NCKAP5: variants seen among roughly 807,000 people sequenced by gnomAD.
NCKAP5 encodes NCK associated protein 5.
NCKAP5 carries 92 observed loss-of-function variants against 167.0 expected under a neutral mutation model. That is an observed-to-expected ratio of 0.55 (90% CI 0.47 to 0.66). NCKAP5 has a LOEUF of 0.66. NCKAP5 is among the 30% of genes least tolerant of loss of function. The pLI, the probability that NCKAP5 is intolerant of heterozygous loss-of-function variation, is 0.00. For synonymous variants in NCKAP5, 891 were observed against 877.4 expected (o/e 1.02, Z -0.27); for missense variants, 2,378 against 2,315.0 (o/e 1.03, Z -0.56).
the NCKAP5 span, among the ~76,000 whole-genome samples, chr2:133,656,172 T>G: frequency 6.6e-6 from 1 of 152,158 alleles, no homozygotes; most frequent in Admixed American, 6.5e-5. Context: ...TAAACAGACC[T>G]GAGTTCAGCT....
chr2:132,873,628 G>GA (rs1263813732), intron 9 of NCKAP5, among the ~76,000 whole-genome samples: 2 of 152,216 alleles, frequency 1.3e-5, no homozygotes, highest in African/African-American at 4.8e-5. Flanking sequence ...TACAACATTG[G>GA]AAAAGGGTGA....
At chr2:132,775,921 C>T (rs1170160294) in intron 15 of NCKAP5, among the ~76,000 whole-genome samples, 2 of 152,142 alleles carry the variant, frequency 1.3e-5, no homozygotes, top group South Asian at 2.1e-4. Context: ...GGGGTGCCCT[C>T]GAAACCTGTT....
At chr2:133,594,542 A>G in the NCKAP5 span, among the ~76,000 whole-genome samples, 1 of 152,178 alleles carries the variant, frequency 6.6e-6, no homozygotes, top group African/African-American at 2.4e-5. Flanking sequence ...TTCTGGTGAC[A>G]TGACACTGAA....
intron 8 of NCKAP5, among the ~76,000 whole-genome samples, chr2:132,943,523 C>T (rs1293551852): frequency 6.6e-6 from 1 of 152,176 alleles, no homozygotes; most frequent in African/African-American, 2.4e-5. Flanking sequence ...TGCCCAAACC[C>T]CTCTTTACAC....
intron 3 of NCKAP5, among the ~76,000 whole-genome samples, chr2:133,306,666 G>T (rs1355242977): frequency 6.6e-6 from 1 of 152,164 alleles, no homozygotes; most frequent in Non-Finnish European, 1.5e-5. Flanking sequence ...CACCTTACAG[G>T]CAGAATGGAA....
chr2:133,215,315 T>C (rs981036891), intron 4 of NCKAP5, among the ~76,000 whole-genome samples: 15 of 152,172 alleles, frequency 9.9e-5, no homozygotes, highest in African/African-American at 3.6e-4. Flanking sequence ...TATGAATGAA[T>C]TCTGTTTTAA....
At chr2:132,953,217 T>C (rs1029085618) in intron 8 of NCKAP5, among the ~76,000 whole-genome samples, 6 of 152,200 alleles carry the variant, frequency 3.9e-5, no homozygotes, top group African/African-American at 1.2e-4. Flanking sequence ...GACAGGCCCA[T>C]GTTCTGAGGG....
At chr2:132,853,623 A>C (rs1171636202) in intron 11 of NCKAP5, among the ~76,000 whole-genome samples, 1 of 152,160 alleles carries the variant, frequency 6.6e-6, no homozygotes, top group Non-Finnish European at 1.5e-5. Context: ...AAGTTACTTA[A>C]AATTTAAGAG....
chr2:133,184,471 G>A (rs2084861154), intron 5 of NCKAP5, among the ~76,000 whole-genome samples: 2 of 152,050 alleles, frequency 1.3e-5, no homozygotes, highest in South Asian at 4.1e-4. Context: ...ATATTCCTTT[G>A]GGTGTATACC....
intron 8 of NCKAP5, among the ~76,000 whole-genome samples, chr2:132,950,845 C>G (rs1296039472): frequency 1.3e-5 from 2 of 151,936 alleles, no homozygotes; most frequent in Non-Finnish European, 2.9e-5. Context: ...TATGAGATTA[C>G]CAAAACCAAT....
intron 3 of NCKAP5, among the ~76,000 whole-genome samples, chr2:133,332,736 G>A (rs1204281883): frequency 6.7e-6 from 1 of 149,178 alleles, no homozygotes. Context: ...ATAATAATAA[G>A]TGTTTCTTTT....
chr2:133,376,747 T>C (rs932847700), intron 3 of NCKAP5, among the ~76,000 whole-genome samples: 1 of 152,190 alleles, frequency 6.6e-6, no homozygotes, highest in African/African-American at 2.4e-5. Flanking sequence ...TCTTGTCATT[T>C]CCCATCTTGA....
At chr2:133,383,921 T>C (rs960430746) in intron 3 of NCKAP5, among the ~76,000 whole-genome samples, 1 of 152,170 alleles carries the variant, frequency 6.6e-6, no homozygotes, top group African/African-American at 2.4e-5. Context: ...TGTTTTTTTC[T>C]TGTAAATTTG....
At chr2:133,422,511 A>G (rs1689544326) in intron 3 of NCKAP5, among the ~76,000 whole-genome samples, 1 of 152,202 alleles carries the variant, frequency 6.6e-6, no homozygotes, top group Non-Finnish European at 1.5e-5. Flanking sequence ...GAATAAAGGA[A>G]GTGTCTGTGA....
In NCKAP5 at chr2:132,782,077, T is replaced by C; in HGVS notation, c.4734A>G (p.Pro1578=). 1 of 1,614,104 alleles carries C rather than the reference T, an allele frequency of 6.2e-7. No individual in the cohort carries two copies. The highest frequency in any genetic ancestry group is 8.5e-7 in the Non-Finnish European group (1 of 1,179,906). Residue 1578 remains proline (P), a synonymous_variant, in exon 14 of 20, where the codon CCA becomes CCG. Coordinates refer to ENST00000409261, the MANE Select transcript of NCKAP5 (RefSeq NM_207363.3). ...LIKDTKSADN[P]DGGLQSKNNR... is the part of the protein sequence containing the mutation. Reference sequence around the variant, plus strand: ...TATTTTTGCTTTGTAAACCGCCATCTGGATTATCTGCTGACTTGGTGTCCT... The same window carrying C: ...TATTTTTGCTTTGTAAACCGCCATCCGGATTATCTGCTGACTTGGTGTCCT...
At chr2:133,050,802 G>C (rs766414661) in intron 6 of NCKAP5, among the ~76,000 whole-genome samples, 1 of 152,140 alleles carries the variant, frequency 6.6e-6, no homozygotes, top group African/African-American at 2.4e-5. Flanking sequence ...TGAATAAAAG[G>C]TCACTTACTT....
intron 3 of NCKAP5, among the ~76,000 whole-genome samples, chr2:133,408,961 C>T (rs1243698045): frequency 6.6e-6 from 1 of 152,210 alleles, no homozygotes; most frequent in African/African-American, 2.4e-5. Flanking sequence ...AGCTGACACA[C>T]AGGACTATGA....
intron 11 of NCKAP5, among the ~76,000 whole-genome samples, chr2:132,825,448 G>T (rs1303084803): frequency 6.6e-6 from 1 of 152,158 alleles, no homozygotes; most frequent in Non-Finnish European, 1.5e-5. Context: ...AACGTTAATG[G>T]CCTCTTCAGT....
intron 11 of NCKAP5, among the ~76,000 whole-genome samples, chr2:132,799,911 T>C (rs1052753760): frequency 2.0e-5 from 3 of 152,138 alleles, no homozygotes; most frequent in African/African-American, 7.2e-5. Context: ...AAATCTACTT[T>C]TGTGTTAAGG....
Sources: allele counts gnomAD v4.1 joint callset (sites outside exome capture counted in the v4.1 genomes callset), GRCh38; gene constraint gnomAD v4.1.1; transcripts MANE v1.5; gene names NCBI Gene and HGNC (gene_info 2026-07-23, HGNC 2026-07-21).